Variants in PTPRD observed in about 807,000 individuals in gnomAD.
The protein encoded by PTPRD is protein tyrosine phosphatase receptor type D.
A neutral mutation model predicts 214.5 loss-of-function variants in PTPRD; 34 were observed. That is an observed-to-expected ratio of 0.16 (90% CI 0.12 to 0.21). The LOEUF (loss-of-function observed/expected upper bound fraction) is 0.21, where lower values mean the gene tolerates loss of function less well. PTPRD is among the 10% of genes least tolerant of loss of function. The pLI is 1.00. For missense variants in PTPRD, 2,545 were observed against 2,398.7 expected, an observed-to-expected ratio of 1.06 and a Z score of -1.27; for synonymous variants, 1,128 against 845.7, an observed-to-expected ratio of 1.33 and a Z score of -5.79.
intron 11 of PTPRD, among the ~76,000 whole-genome samples, chr9:8,823,620 C>CAG (rs1301563451): frequency 6.6e-6 from 1 of 151,722 alleles, no homozygotes; most frequent in East Asian, 1.9e-4. Context: ...CACTGCACTC[C>CAG]AGCCTGGGGA....
intron 11 of PTPRD, among the ~76,000 whole-genome samples, chr9:8,961,484 C>A (rs765922457): frequency 6.6e-6 from 1 of 152,100 alleles, no homozygotes; most frequent in Non-Finnish European, 1.5e-5. Flanking sequence ...GTTAGCCTTG[C>A]ACCCGCAAAT....
At chr9:8,907,912 T>C (rs1381535535) in intron 11 of PTPRD, among the ~76,000 whole-genome samples, 2 of 152,164 alleles carry the variant, frequency 1.3e-5, no homozygotes, top group Non-Finnish European at 2.9e-5. Context: ...TGAAACTTTA[T>C]GATTTTGATG....
At chr9:9,871,378 C>G (rs2065375066) in intron 5 of PTPRD, among the ~76,000 whole-genome samples, 1 of 152,100 alleles carries the variant, frequency 6.6e-6, no homozygotes, top group Admixed American at 6.6e-5. Context: ...AGTCTTGTAT[C>G]CTTGATGGAG....
intron 3 of PTPRD, among the ~76,000 whole-genome samples, chr9:10,164,658 T>C (rs953561755): frequency 1.3e-5 from 2 of 151,600 alleles, no homozygotes; most frequent in African/African-American, 4.8e-5. Context: ...GGGCAGTTCA[T>C]AAGTAAAATA....
chr9:9,379,832 G>A (rs867484767), intron 9 of PTPRD, among the ~76,000 whole-genome samples: 2 of 151,816 alleles, frequency 1.3e-5, no homozygotes, highest in South Asian at 4.1e-4. Context: ...AATTCCACTT[G>A]TTCATTGTTG....
At chr9:9,253,138 CT>C in intron 9 of PTPRD, among the ~76,000 whole-genome samples, 1 of 152,064 alleles carries the variant, frequency 6.6e-6, no homozygotes, top group South Asian at 2.1e-4. Context: ...AGAATTCAGT[CT>C]TCTTATCTCT....
chr9:8,751,968 A>G (rs12338284), intron 11 of PTPRD, among the ~76,000 whole-genome samples: 9,063 of 152,222 alleles, frequency 0.06, 690 homozygotes, highest in African/African-American at 0.18. Flanking sequence ...GAATGGGACA[A>G]AAGCAACGTT....
chr9:10,599,867 T>C (rs1028897593), intron 2 of PTPRD, among the ~76,000 whole-genome samples: 2 of 151,730 alleles, frequency 1.3e-5, no homozygotes, highest in Non-Finnish European at 2.9e-5. Flanking sequence ...TATTTCAATC[T>C]CCCCAACAGA....
chr9:9,496,727 T>C (rs568679434), intron 8 of PTPRD, among the ~76,000 whole-genome samples: 2 of 152,304 alleles, frequency 1.3e-5, no homozygotes, highest in East Asian at 3.9e-4. Flanking sequence ...AATTACCATA[T>C]GATATAGTAA....
At chr9:10,019,478 G>A (rs1234528527) in intron 4 of PTPRD, among the ~76,000 whole-genome samples, 7 of 152,068 alleles carry the variant, frequency 4.6e-5, no homozygotes, top group East Asian at 1.9e-4. Flanking sequence ...ACATGCACAC[G>A]TATGTTTATT....
intron 5 of PTPRD, among the ~76,000 whole-genome samples, chr9:9,817,104 G>T (rs2049020791): frequency 6.6e-6 from 1 of 152,042 alleles, no homozygotes; most frequent in Admixed American, 6.6e-5. Flanking sequence ...AGCTAAGATT[G>T]CTTTTGCCTG....
chr9:9,280,829 T>C (rs952537698), intron 9 of PTPRD, among the ~76,000 whole-genome samples: 8 of 151,140 alleles, frequency 5.3e-5, no homozygotes, highest in Admixed American at 1.3e-4. Context: ...CAACACAATA[T>C]TGAAGGAAAA....
chr9:8,600,627 C>T (rs10815921), intron 14 of PTPRD, among the ~76,000 whole-genome samples: 26,208 of 151,538 alleles, frequency 0.17, 2,437 homozygotes, highest in East Asian at 0.3. Context: ...TTATAGGCCC[C>T]AGGTCCCTGA....
intron 7 of PTPRD, among the ~76,000 whole-genome samples, chr9:9,709,264 T>C (rs368553516): frequency 2.2e-4 from 34 of 152,014 alleles, no homozygotes; most frequent in Admixed American, 1.8e-3. Context: ...TTTTGAAGTA[T>C]TGTTATTATA....
chr9:9,632,230 G>C (rs1012738564), intron 7 of PTPRD, among the ~76,000 whole-genome samples: 1 of 152,140 alleles, frequency 6.6e-6, no homozygotes, highest in Non-Finnish European at 1.5e-5. Flanking sequence ...AAGTGATAAA[G>C]TATGAATACA....
At chr9:8,497,361 A>C in intron 25 of PTPRD, 93 bp from the exon 26 acceptor site, 2 of 1,029,776 alleles carry the variant, frequency 1.9e-6, no homozygotes, top group Non-Finnish European at 2.7e-6. Flanking sequence ...GTTAGATTAA[A>C]AAAATCAAAA....
chr9:9,026,539 T>C (rs2099587681), intron 10 of PTPRD, among the ~76,000 whole-genome samples: 1 of 152,040 alleles, frequency 6.6e-6, no homozygotes, highest in African/African-American at 2.4e-5. Context: ...TCTGGTTTCC[T>C]GTCCAGGGTT....
chr9:9,512,241 A>C lies in PTPRD; in HGVS notation c.-237+62491T>G, dbSNP rs1214238594. ...AAACACAAAAGCCATTGCTTCAATT[A>C]GTATGCAAGCTTTCTTCTGACAGAA... On this transcript the variant is annotated intron_variant, in intron 8 of 45. Coordinates refer to ENST00000381196, the MANE Select transcript of PTPRD (RefSeq NM_002839.4). Among the ~76,000 whole-genome samples, 4 of 151,998 alleles carry C rather than the reference A, an allele frequency of 2.6e-5. No homozygotes were observed. The East Asian group carries it at 5.8e-4, about 22-fold the overall frequency.
At chr9:9,659,905 G>A (rs1442171521) in intron 7 of PTPRD, among the ~76,000 whole-genome samples, 3 of 152,016 alleles carry the variant, frequency 2.0e-5, no homozygotes, top group Non-Finnish European at 4.4e-5. Flanking sequence ...TCAAGGTGAG[G>A]AAGCAACTTT....
Sources: allele counts gnomAD v4.1 joint callset (sites outside exome capture counted in the v4.1 genomes callset), GRCh38; gene constraint gnomAD v4.1.1; transcripts MANE v1.5; gene names NCBI Gene and HGNC (gene_info 2026-07-23, HGNC 2026-07-21).